RPH3AL: variants seen among roughly 807,000 people sequenced by gnomAD.
RPH3AL encodes the protein rab effector Noc2.
A neutral mutation model predicts 43.1 loss-of-function variants in RPH3AL; 38 were observed. The ratio of observed to expected loss-of-function variants is 0.88; its 90% confidence interval spans 0.68 to 1.15. The LOEUF is 1.15. Ranked by LOEUF, RPH3AL falls within the 50% of genes most tolerant of loss-of-function variation. RPH3AL has a pLI of 0.00. For missense variants in RPH3AL, 462 were observed against 423.2 expected (o/e 1.09, Z -0.81); for synonymous variants, 189 against 176.3 (o/e 1.07, Z -0.57).
intron 5 of RPH3AL, among the ~76,000 whole-genome samples, chr17:315,166 C>CCACCTCCACTGACCTGTAGTCCCTGTGCT (rs1567509318): frequency 4.0e-5 from 1 of 25,262 alleles, no homozygotes; most frequent in Admixed American, 5.3e-4. Context: ...TCCCTGTGCC[C>CCACCTCCACTGACCTGTAGTCCCTGTGCT]CCACCTCCAT....
At chr17:258,344 C>T (rs1279717413) in intron 6 of RPH3AL, among the ~76,000 whole-genome samples, 3 of 152,202 alleles carry the variant, frequency 2.0e-5, no homozygotes, top group Admixed American at 6.5e-5. Context: ...AGCTGCGGGT[C>T]GTTTGCTGCA....
chr17:239,077 C>G (rs1030950394), intron 7 of RPH3AL, among the ~76,000 whole-genome samples: 1 of 152,180 alleles, frequency 6.6e-6, no homozygotes, highest in Non-Finnish European at 1.5e-5. Flanking sequence ...TCCCCACCCC[C>G]TCCTGGGGAA....
At position 272,967 on chromosome 17, in the gene RPH3AL, T is replaced by TGAGACCCCAGCGAGGGCGACATCAGGAA. The variant is rs1567604361; in HGVS notation, c.438+8800_438+8801insTTCCTGATGTCGCCCTCGCTGGGGTCTC. On this transcript the variant is annotated intron_variant, in intron 6 of 9. Transcript: ENST00000331302. ...GACCCCAGCAAGGGCTACGTCAGGG[T>TGAGACCCCAGCGAGGGCGACATCAGGAA]GAGACCCCAGCAAGGGCTACGTCAG... 1.8e-4 allele frequency among the ~76,000 whole-genome samples: 9 copies of TGAGACCCCAGCGAGGGCGACATCAGGAA among 50,476 alleles called. 1 individual carries two copies. Among genetic ancestry groups the TGAGACCCCAGCGAGGGCGACATCAGGAA allele is most frequent in the African/African-American group, 6.3e-4 (7 of 11,106 alleles). 33.1% of individuals were successfully genotyped at this position (50,476 alleles called of 152,430 possible).
At chr17:240,333 C>G (rs1397236004) in intron 7 of RPH3AL, among the ~76,000 whole-genome samples, 1 of 152,152 alleles carries the variant, frequency 6.6e-6, no homozygotes, top group Non-Finnish European at 1.5e-5. Context: ...AAGGTACCCT[C>G]AGAAAGTATA....
intron 6 of RPH3AL, 104 bp downstream of exon 6, chr17:281,664 G>GGCCCCCCCCCCCC: frequency 7.0e-6 from 4 of 574,662 alleles, no homozygotes; most frequent in East Asian, 5.8e-5. Flanking sequence ...AGCGTATCCA[G>GGCCCCCCCCCCCC]CCCGCCCAGC....
intron 7 of RPH3AL, among the ~76,000 whole-genome samples, chr17:243,426 T>G (rs1425389701): frequency 6.8e-6 from 1 of 146,204 alleles, no homozygotes; most frequent in African/African-American, 2.6e-5. Context: ...TTGATTACCC[T>G]TCCTCTATTG....
At chr17:326,197 G>A (rs1011426844) in intron 3 of RPH3AL, among the ~76,000 whole-genome samples, 3 of 152,368 alleles carry the variant, frequency 2.0e-5, no homozygotes, top group Middle Eastern at 3.4e-3. Flanking sequence ...TGAAGGAGCC[G>A]AGCCCTCCTG....
rs1296265261 is a variant in RPH3AL, at chr17:242,591, A to C, written c.613+4520T>G. Among the ~76,000 whole-genome samples the C allele has an allele frequency of 4.8e-5, 6 of 124,904 alleles. No homozygotes were observed. The South Asian group carries it at 8.3e-4, about 17-fold the overall frequency. 81.9% of individuals were successfully genotyped at this position (124,904 alleles called of 152,430 possible). A position where few individuals can be genotyped will look rare whatever the true frequency, so the allele number is the denominator to read the frequency against. The stretch of plus-strand genomic sequence containing the variant: ...TATTGACTACCTTCCTCTATTGACT[A>C]CCTTCCTCTATTGATTACCCTTCCT... On this transcript the variant is annotated intron_variant, in intron 7 of 9. Coordinates refer to ENST00000331302, the MANE Select transcript of RPH3AL (RefSeq NM_006987.4).
intron 2 of RPH3AL, among the ~76,000 whole-genome samples, chr17:330,435 C>T (rs1225114012): frequency 1.3e-5 from 2 of 152,208 alleles, no homozygotes; most frequent in Admixed American, 6.5e-5. Context: ...AAAATGATAC[C>T]GTCCTCAAAC....
Position 245,893 on chromosome 17 carries a change from C to T in RPH3AL, c.613+1218G>A, listed in dbSNP as rs1479162906. On this transcript the variant is annotated intron_variant, in intron 7 of 9. Coordinates refer to ENST00000331302, the MANE Select transcript of RPH3AL (RefSeq NM_006987.4). This position sits in a 1 kb window ranked among gnomAD's most constrained non-coding sequence, Gnocchi z 5.9. The stretch of plus-strand genomic sequence containing the variant: ...CCCCACCAATGTCTGTCCGTGGCAG[C>T]GATGTCGGGGGTGAACTCATAGGCA... Among the ~76,000 whole-genome samples, 1 of 152,112 alleles carries T rather than the reference C, an allele frequency of 6.6e-6. No individual in the cohort carries two copies. The highest frequency in any genetic ancestry group is 1.5e-5 in the Non-Finnish European group (1 of 68,020).
At chr17:284,014 T>G (rs1039456073) in intron 5 of RPH3AL, among the ~76,000 whole-genome samples, 2 of 152,186 alleles carry the variant, frequency 1.3e-5, no homozygotes, top group African/African-American at 4.8e-5. Context: ...CTGTGTACAC[T>G]GTAACAGGTG....
At chr17:325,592 C>T (rs1011775818) in intron 3 of RPH3AL, among the ~76,000 whole-genome samples, 3 of 152,228 alleles carry the variant, frequency 2.0e-5, no homozygotes, top group Non-Finnish European at 4.4e-5. Flanking sequence ...TCAGCCCCTC[C>T]TGATCCCCAG....
rs1244979166 is a variant in RPH3AL, at chr17:215,987, T to C, written c.728-185A>G. ...GGGCTCTGGCCTGACCCCACCCACA[T>C]GGCTGCCGGGCTCTGGCCTGACCCC... On this transcript the variant is annotated intron_variant, in intron 8 of 9. Transcript: ENST00000331302. This position sits in a 1 kb window ranked among gnomAD's most constrained non-coding sequence, Gnocchi z 4.1. 1.5e-3 allele frequency: 629 copies of C among 414,748 alleles called. 5 individuals carry two copies. The highest frequency in any genetic ancestry group is 0.014 in the African/African-American group (574 of 40,546). 25.7% of individuals were successfully genotyped at this position (414,748 alleles called of 1,614,324 possible). A position where few individuals can be genotyped will look rare whatever the true frequency, so the allele number is the denominator to read the frequency against.
intron 1 of RPH3AL, among the ~76,000 whole-genome samples, chr17:343,475 A>C (rs2045170035): frequency 6.6e-6 from 1 of 152,210 alleles, no homozygotes; most frequent in Non-Finnish European, 1.5e-5. Context: ...GACAAAGGGC[A>C]GTGGTTACAG....
chr17:321,285 G>T lies in RPH3AL; in HGVS notation c.208C>A (p.Gln70Lys). The change falls in exon 4 of 10, where the codon CAG becomes AAG. Residue 70 changes from glutamine to lysine, a missense_variant. Physicochemically the swap from Gln to Lys is moderately conservative, Grantham distance 53 (BLOSUM62 1). Coordinates refer to ENST00000331302, the MANE Select transcript of RPH3AL (RefSeq NM_006987.4). ...GCCCCGCCTCACCCGATTCTCTGCT[G>T]CTCCAGGACGTCGAGCCGCTCTGCC... ...QRAERLDVLEQQRIGRLVERL... is the reference protein window; with the variant it reads ...QRAERLDVLEKQRIGRLVERL... 6.2e-7 allele frequency: 1 copy of T among 1,608,342 alleles called. No homozygotes were observed.
intron 5 of RPH3AL, among the ~76,000 whole-genome samples, chr17:305,442 A>G (rs925719314): frequency 1.3e-5 from 2 of 152,104 alleles, no homozygotes; most frequent in Non-Finnish European, 2.9e-5. Flanking sequence ...GGCCCAGCTC[A>G]CACCAACCTC....
At chr17:282,921 C>T (rs35478781) in intron 5 of RPH3AL, among the ~76,000 whole-genome samples, 17,527 of 152,150 alleles carry the variant, frequency 0.12, 1,101 homozygotes, top group Middle Eastern at 0.17. Flanking sequence ...ATTTGCTGGC[C>T]GAAACGTCAT....
At position 213,429 on chromosome 17, in the gene RPH3AL, C is replaced by A; in HGVS notation, c.*423G>T. On this transcript the variant is annotated 3_prime_UTR_variant, in exon 10 of 10. Transcript: ENST00000331302. ...GGCTCTGATGCTCACCTCTAAGGGG[C>A]CACACGCAGCTTCGGAGGCCGTGCC... 7.4e-6 allele frequency: 2 copies of A among 269,646 alleles called. No homozygotes were observed. Among genetic ancestry groups the A allele is most frequent in the Non-Finnish European group, 1.5e-5 (2 of 137,830 alleles). The allele number at this position is 269,646 out of a possible 1,614,324, so 16.7% of individuals were successfully genotyped here.
At chr17:259,914 T>C (rs1234066361) in intron 6 of RPH3AL, among the ~76,000 whole-genome samples, 1 of 152,214 alleles carries the variant, frequency 6.6e-6, no homozygotes, top group African/African-American at 2.4e-5. Flanking sequence ...CCTAAATGGT[T>C]GTGGCTGGAG....
Sources: gnomAD v4.1 joint callset for allele counts (sites outside exome capture counted in the v4.1 genomes callset) on GRCh38, gnomAD v4.1.1 for gene constraint, Gnocchi (gnomAD v3.1) non-coding constraint, MANE v1.5 for transcripts, NCBI Gene and HGNC (gene_info 2026-07-23, HGNC 2026-07-21) for gene names.